PRKCB: variants seen among roughly 807,000 people sequenced by gnomAD.
PRKCB encodes protein kinase C beta type.
Under a neutral mutation model 81.5 loss-of-function variants are expected in PRKCB, and 13 were observed. The observed-to-expected ratio is 0.16, with a 90% CI of 0.10 to 0.25. The LOEUF (loss-of-function observed/expected upper bound fraction) is 0.25, where lower values mean the gene tolerates loss of function less well. Ranked by LOEUF, PRKCB falls within the 10% of genes least tolerant of loss-of-function variation. PRKCB has a pLI of 1.00. For synonymous variants in PRKCB, 335 were observed against 321.4 expected, an observed-to-expected ratio of 1.04 and a Z score of -0.45; for missense variants, 509 against 875.7, an observed-to-expected ratio of 0.58 and a Z score of 5.29.
intron 2 of PRKCB, among the ~76,000 whole-genome samples, chr16:23,907,454 C>G (rs752664353): frequency 1.3e-5 from 2 of 152,208 alleles, no homozygotes; most frequent in Non-Finnish European, 2.9e-5. Flanking sequence ...TTTGTAGAGA[C>G]AGGGTCTTAC....
intron 16 of PRKCB, 91 bp downstream of exon 16, chr16:24,191,321 A>G (rs1367923344): frequency 6.9e-7 from 1 of 1,455,328 alleles, no homozygotes; most frequent in African/African-American, 1.4e-5. Flanking sequence ...CCTGAGGGGT[A>G]GACGTCAATG....
intron 5 of PRKCB, among the ~76,000 whole-genome samples, chr16:24,088,861 C>T (rs533781498): frequency 1.3e-5 from 2 of 152,288 alleles, no homozygotes; most frequent in East Asian, 3.9e-4. Context: ...TTTCCAGTGA[C>T]TACCCTTGTG....
chr16:24,055,588 T>C (rs1965894247), intron 5 of PRKCB, among the ~76,000 whole-genome samples: 2 of 152,242 alleles, frequency 1.3e-5, no homozygotes, highest in African/African-American at 2.4e-5. Context: ...TGATTTCATT[T>C]CTTCTTTCCA....
At chr16:24,008,779 C>T (rs964637770) in intron 3 of PRKCB, among the ~76,000 whole-genome samples, 4 of 152,090 alleles carry the variant, frequency 2.6e-5, no homozygotes, top group East Asian at 3.8e-4. Flanking sequence ...GGATGCAGTA[C>T]GAGACAGCAG....
intron 2 of PRKCB, among the ~76,000 whole-genome samples, chr16:23,973,542 T>G (rs1964585642): frequency 6.6e-6 from 1 of 152,142 alleles, no homozygotes; most frequent in South Asian, 2.1e-4. Context: ...GAGTAGGTAC[T>G]CTTTTTATTC....
chr16:23,836,698 C>G (rs1029109113), intron 1 of PRKCB, among the ~76,000 whole-genome samples: 7 of 151,844 alleles, frequency 4.6e-5, no homozygotes, highest in Admixed American at 4.6e-4. Flanking sequence ...GGGTGCTCTC[C>G]GACCCGGGGT....
chr16:24,110,176 G>A (rs1483437549), intron 7 of PRKCB, among the ~76,000 whole-genome samples: 1 of 144,362 alleles, frequency 6.9e-6, no homozygotes, highest in Non-Finnish European at 1.5e-5. Context: ...GAGGGAGAGG[G>A]AGAGGGAGAG....
At chr16:23,881,418 A>C (rs1781579331) in intron 2 of PRKCB, among the ~76,000 whole-genome samples, 1 of 151,806 alleles carries the variant, frequency 6.6e-6, no homozygotes, top group Non-Finnish European at 1.5e-5. Flanking sequence ...ACACCCAGCT[A>C]ATTTTGTATT....
At chr16:23,844,164 T>G (rs1438351718) in intron 2 of PRKCB, among the ~76,000 whole-genome samples, 1 of 152,254 alleles carries the variant, frequency 6.6e-6, no homozygotes. Context: ...AAAGTTTGTC[T>G]CTGACGCCTT....
At chr16:23,996,860 C>T (rs189150963) in intron 3 of PRKCB, among the ~76,000 whole-genome samples, 96 of 151,978 alleles carry the variant, frequency 6.3e-4, no homozygotes, top group African/African-American at 2.2e-3. Context: ...CCTTGCATGC[C>T]TGGGCAAGAT....
At chr16:23,899,937 T>G (rs1163425063) in intron 2 of PRKCB, among the ~76,000 whole-genome samples, 1 of 152,116 alleles carries the variant, frequency 6.6e-6, no homozygotes, top group Non-Finnish European at 1.5e-5. Flanking sequence ...TCCTCCTGTC[T>G]CAGCCTCCCA....
chr16:23,901,502 T>C (rs1295892989), intron 2 of PRKCB, among the ~76,000 whole-genome samples: 2 of 151,934 alleles, frequency 1.3e-5, no homozygotes, highest in Non-Finnish European at 2.9e-5. Flanking sequence ...TGAGAGTAGA[T>C]GGATAGATGA....
chr16:24,009,501 T>C (rs1295153715), intron 3 of PRKCB, among the ~76,000 whole-genome samples: 5 of 150,944 alleles, frequency 3.3e-5, no homozygotes, highest in African/African-American at 1.2e-4. Flanking sequence ...CCTGGCTCAC[T>C]GCAACCTCCA....
intron 2 of PRKCB, among the ~76,000 whole-genome samples, chr16:23,918,384 T>A (rs1159822901): frequency 9.8e-5 from 14 of 143,540 alleles, no homozygotes; most frequent in Non-Finnish European, 2.2e-4. Flanking sequence ...TACCTTTTTA[T>A]TATTATTATT....
At chr16:23,910,533 T>C (rs561849907) in intron 2 of PRKCB, among the ~76,000 whole-genome samples, 148 of 152,310 alleles carry the variant, frequency 9.7e-4, no homozygotes, top group Non-Finnish European at 1.7e-3. Context: ...CGTTAGGCAA[T>C]GATGTCAAGC....
At chr16:24,124,038 C>G (rs561867907) in intron 9 of PRKCB, 57 bp downstream of exon 9, 5 of 1,597,878 alleles carry the variant, frequency 3.1e-6, no homozygotes, top group Non-Finnish European at 4.3e-6. Flanking sequence ...ACAACACAGG[C>G]ACATTTGCTG....
rs1351771740 is a variant in PRKCB at position 24,220,113 on chromosome 16, G to A, written c.*5297G>A. The A allele has an allele frequency of 1.2e-6, 2 of 1,614,016 alleles. No individual in the cohort carries two copies. The highest frequency in any genetic ancestry group is 1.7e-6 in the Non-Finnish European group (2 of 1,179,966). On this transcript the variant is annotated 3_prime_UTR_variant, in exon 17 of 17. Coordinates refer to ENST00000643927, the MANE Select transcript of PRKCB (RefSeq NM_002738.7). ...ACCCAGAGTTTGTCATTAATGTGTA[G>A]GTGAATGCAAACTCCATCGTTGAGC...
chr16:24,184,909 G>A (rs1436737181), intron 13 of PRKCB, among the ~76,000 whole-genome samples: 2 of 152,210 alleles, frequency 1.3e-5, no homozygotes, highest in Non-Finnish European at 2.9e-5. Flanking sequence ...CTTACTTAGT[G>A]CTTCGAAAAG....
chr16:23,917,105 T>G (rs1362172523), intron 2 of PRKCB, among the ~76,000 whole-genome samples: 2 of 152,118 alleles, frequency 1.3e-5, no homozygotes, highest in Non-Finnish European at 2.9e-5. Flanking sequence ...ATTTATTTTT[T>G]GAGACAGAGT....
Sources: allele counts gnomAD v4.1 joint callset (sites outside exome capture counted in the v4.1 genomes callset), GRCh38; gene constraint gnomAD v4.1.1; transcripts MANE v1.5; gene names NCBI Gene and HGNC (gene_info 2026-07-23, HGNC 2026-07-21).